Variants in UBL5 observed in about 807,000 individuals in gnomAD.
UBL5 encodes the protein ubiquitin like 5.
Under a neutral mutation model 11.7 loss-of-function variants are expected in UBL5, and 13 were observed. The ratio of observed to expected loss-of-function variants is 1.11; its 90% CI spans 0.73 to 1.77. The LOEUF (loss-of-function observed/expected upper bound fraction) is 1.77, where lower values mean the gene tolerates loss of function less well. UBL5 is among the 40% of genes most tolerant of loss of function. UBL5 has a pLI of 0.00. For missense variants in UBL5, 58 were observed against 92.3 expected (o/e 0.63, Z 1.52); for synonymous variants, 28 against 34.7 (o/e 0.81, Z 0.68).
At chr19:9,829,815 T>A in intron 4 of UBL5, 150 bp from the exon 5 acceptor site, 1 of 789,814 alleles carries the variant, frequency 1.3e-6, no homozygotes, top group East Asian at 2.5e-5. Flanking sequence ...TTTTGTAAAG[T>A]TTTGGTTCTC....
chr19:9,829,870 G>A lies in UBL5; in HGVS notation c.179-95G>A. ...GTCCAAAATGGGCTTCCTTAGCCCT[G>A]GGCTGAGACCTCAGGCCACCTGACC... On this transcript the variant is annotated intron_variant, in intron 4 of 4. Transcript: ENST00000586895. 4 of 1,446,446 alleles carry A rather than the reference G, an allele frequency of 2.8e-6. No homozygotes were observed. In the South Asian group the frequency reaches 4.6e-5, roughly 17 times the overall value. The allele number at this position is 1,446,446 out of a possible 1,614,324, so 89.6% of individuals were successfully genotyped here.
chr19:9,829,697 G>A (rs1322950390), intron 4 of UBL5: 8 of 411,644 alleles, frequency 1.9e-5, no homozygotes, highest in African/African-American at 1.2e-4. Context: ...GGGTTTCATC[G>A]TGTTGGCCAG....
At position 9,830,056 on chromosome 19, in the gene UBL5, C is replaced by G; in HGVS notation, c.*48C>G. 1 of 1,608,628 alleles carries G rather than the reference C, an allele frequency of 6.2e-7. No homozygotes were observed. Among genetic ancestry groups the G allele is most frequent in the Non-Finnish European group, 8.5e-7 (1 of 1,175,584 alleles). On this transcript the variant is annotated 3_prime_UTR_variant, in exon 5 of 5. Transcript: ENST00000586895. ...CCCGCTTTCCTCTCCCATCCTCATCCCCCACACTGGGATAGATGCTTGTTT... is the reference window on the plus strand; with the variant it reads ...CCCGCTTTCCTCTCCCATCCTCATCGCCCACACTGGGATAGATGCTTGTTT...
intron 4 of UBL5, chr19:9,829,687 G>A (rs1445550999): frequency 2.6e-6 from 1 of 381,610 alleles, no homozygotes; most frequent in Admixed American, 4.3e-5. Context: ...AGTAGAGACA[G>A]GGTTTCATCG....
intron 1 of UBL5, 119 bp from the exon 2 acceptor site, chr19:9,828,208 T>C: frequency 1.0e-6 from 1 of 962,790 alleles, no homozygotes; most frequent in Non-Finnish European, 1.6e-6. Flanking sequence ...AACGGAAGGC[T>C]CAGTAACCTG....
intron 4 of UBL5, 22 bp downstream of exon 4, chr19:9,828,896 G>A: frequency 6.2e-7 from 1 of 1,613,602 alleles, no homozygotes; most frequent in Non-Finnish European, 8.5e-7. Flanking sequence ...GTGACTTTTT[G>A]AGGAAGCATC....
intron 4 of UBL5, 63 bp downstream of exon 4, chr19:9,828,937 ACTAAAGT>A (rs1472144986): frequency 2.0e-6 from 3 of 1,528,868 alleles, no homozygotes; most frequent in Non-Finnish European, 1.8e-6. Context: ...TCTGTTCAAA[ACTAAAGT>A]CTGCATGAGC....
Position 9,828,853 on chromosome 19 carries a change from G to A in UBL5, c.157G>A (p.Asp53Asn). The A allele has an allele frequency of 6.2e-7, 1 of 1,614,192 alleles. No individual in the cohort carries two copies. The highest frequency in any genetic ancestry group is 8.5e-7 in the Non-Finnish European group (1 of 1,180,040). Reference protein sequence around the residue: ...VLKKWYTIFKDHVSLGDYEIH... With the variant: ...VLKKWYTIFKNHVSLGDYEIH... ...TTTTCTTAGGTACACGATTTTTAAG[G>A]ACCACGTGTCTCTGGGGGACTGTAT... The change falls in exon 4 of 5, where the codon GAC (aspartate) becomes AAC (asparagine). Residue 53 changes from aspartate (D) to asparagine (N), a missense_variant. Coordinates refer to ENST00000586895, the MANE Select transcript of UBL5 (RefSeq NM_001048241.3).
At position 9,829,959 on chromosome 19, in the gene UBL5, C is replaced by T. The variant is rs1599442854; in HGVS notation, c.179-6C>T. 6.2e-7 allele frequency: 1 copy of T among 1,614,100 alleles called. No individual in the cohort carries two copies. The highest frequency in any genetic ancestry group is 1.7e-5 in the Admixed American group (1 of 60,014). On this transcript the variant is annotated splice_polypyrimidine_tract_variant and splice_region_variant and intron_variant, in intron 4 of 4. Coordinates refer to ENST00000586895, the MANE Select transcript of UBL5 (RefSeq NM_001048241.3). ...GAGTCAGGATTCCTTAACACCTTTC[C>T]TTCAGATGAAATCCACGATGGGATG...
chr19:9,828,378 T>C lies in UBL5; in HGVS notation c.41T>C (p.Val14Ala). ...VVCNDRLGKK[V>A]RVKCNTDDTI... ...TGCAACGACCGTCTGGGGAAGAAGG[T>C]CCGCGTTAAATGCAAGTATCCACTG... Residue 14 changes from valine (V) to alanine (A), a missense_variant, in exon 2 of 5, where the codon GTC becomes GCC. By Grantham distance (64) the Val-to-Ala change is moderately conservative (BLOSUM62 0). Transcript: ENST00000586895. The C allele has an allele frequency of 6.2e-7, 1 of 1,613,342 alleles. No homozygotes were observed. Among genetic ancestry groups the C allele is most frequent in the Non-Finnish European group, 8.5e-7 (1 of 1,179,810 alleles).
rs1219666984 is a variant in UBL5, at chr19:9,829,957, T to C, written c.179-8T>C. On this transcript the variant is annotated splice_polypyrimidine_tract_variant and splice_region_variant and intron_variant, in intron 4 of 4. Coordinates refer to ENST00000586895, the MANE Select transcript of UBL5 (RefSeq NM_001048241.3). ...CAGAGTCAGGATTCCTTAACACCTTTCCTTCAGATGAAATCCACGATGGGA... is the reference window on the plus strand; with the variant it reads ...CAGAGTCAGGATTCCTTAACACCTTCCCTTCAGATGAAATCCACGATGGGA... The C allele has an allele frequency of 1.9e-6, 3 of 1,613,992 alleles. No individual in the cohort carries two copies. The highest frequency in any genetic ancestry group is 3.3e-5 in the Admixed American group (2 of 59,992).
chr19:9,828,086 G>T, intron 1 of UBL5, 102 bp downstream of exon 1: 1 of 586,972 alleles, frequency 1.7e-6, no homozygotes, highest in Non-Finnish European at 3.0e-6. Flanking sequence ...GAGTTTTGTG[G>T]CAGGGCTTTC....
Position 9,828,337 on chromosome 19 carries a change from G to A in UBL5, c.-1G>A, listed in dbSNP as rs1329320058. ...CCCCGCTTTGTGTAGCTCCAGCTAGGATGATCGAGGTTGTTTGCAACGACC... is the reference window on the plus strand; with the variant it reads ...CCCCGCTTTGTGTAGCTCCAGCTAGAATGATCGAGGTTGTTTGCAACGACC... On this transcript the variant is annotated 5_prime_UTR_variant, in exon 2 of 5. Transcript: ENST00000586895. 1.9e-6 allele frequency: 3 copies of A among 1,613,988 alleles called. No homozygotes were observed. Among genetic ancestry groups the A allele is most frequent in the Non-Finnish European group, 2.5e-6 (3 of 1,180,006 alleles).
chr19:9,829,932 C>CA (rs1157551409), intron 4 of UBL5, 33 bp from the exon 5 acceptor site: 2 of 1,613,912 alleles, frequency 1.2e-6, no homozygotes, highest in Non-Finnish European at 1.7e-6. Flanking sequence ...GGACGGAAGT[C>CA]AGAGTCAGGA....
At chr19:9,828,495 G>A in intron 2 of UBL5, 97 bp from the exon 3 acceptor site, 1 of 1,606,896 alleles carries the variant, frequency 6.2e-7, no homozygotes, top group Non-Finnish European at 8.5e-7. Flanking sequence ...AAACCCGGGA[G>A]AGGGGGCGGA....
intron 4 of UBL5, 189 bp downstream of exon 4, chr19:9,829,063 G>A: frequency 1.6e-6 from 1 of 627,530 alleles, no homozygotes; most frequent in Non-Finnish European, 2.8e-6. Context: ...GAAATAGTTT[G>A]ACTTCAAGTT....
chr19:9,829,918 G>T lies in UBL5; in HGVS notation c.179-47G>T, dbSNP rs150171910. ...ACCCGGCTGTGAATGGATGAGAGGG[G>T]TGGGGACGGAAGTCAGAGTCAGGAT... On this transcript the variant is annotated intron_variant, in intron 4 of 4. Transcript: ENST00000586895. 265 of 1,612,264 alleles carry T rather than the reference G, an allele frequency of 1.6e-4. 4 individuals carry two copies. The African/African-American group carries it at 1.9e-3, about 11-fold the overall frequency.
chr19:9,828,732 G>T, intron 3 of UBL5, 57 bp downstream of exon 3: 2 of 1,612,462 alleles, frequency 1.2e-6, no homozygotes, highest in Non-Finnish European at 1.7e-6. Context: ...GGTTTTGGTT[G>T]GGGGAGCGCT....
intron 1 of UBL5, 65 bp downstream of exon 1, chr19:9,828,049 C>A (rs912616904): frequency 2.8e-5 from 15 of 543,874 alleles, no homozygotes; most frequent in African/African-American, 2.7e-4. Context: ...CACCCAGGGT[C>A]TGGGGTCGGT....
Sources: gnomAD v4.1 joint callset for allele counts on GRCh38, gnomAD v4.1.1 for gene constraint, MANE v1.5 for transcripts, NCBI Gene and HGNC (gene_info 2026-07-23, HGNC 2026-07-21) for gene names.